METTL25B: variants seen among roughly 807,000 people sequenced by gnomAD.
The protein encoded by METTL25B is methyltransferase-like protein 25B.
In METTL25B, 38 loss-of-function variants were observed where a neutral mutation model predicts 48.4. That is an observed-to-expected ratio of 0.78 (90% confidence interval 0.61 to 1.03). METTL25B has a LOEUF of 1.03. METTL25B is among the 50% of genes least tolerant of loss of function. METTL25B has a pLI of 0.00. For missense variants in METTL25B, 537 were observed against 603.7 expected (o/e 0.89, Z 1.16); for synonymous variants, 230 against 254.5 (o/e 0.90, Z 0.92).
At position 156,732,433 on chromosome 1, in the gene METTL25B, T is replaced by C; in HGVS notation, c.389T>C (p.Val130Ala). 1.2e-6 allele frequency: 2 copies of C among 1,614,086 alleles called. No individual in the cohort carries two copies. Among genetic ancestry groups the C allele is most frequent in the African/African-American group, 1.3e-5 (1 of 75,014 alleles). The change falls in exon 3 of 8, where the codon GTC becomes GCC. Residue 130 changes from valine (V) to alanine (A), a missense_variant. Physicochemically the swap from Val to Ala is moderately conservative, Grantham distance 64. Transcript: ENST00000368216. ...CTAACAGCTCCATTCCGGAAACATGTCAGGCCCAAGAAGCAGCATGAGATC... is the reference window on the plus strand; with the variant it reads ...CTAACAGCTCCATTCCGGAAACATGCCAGGCCCAAGAAGCAGCATGAGATC... ...SRLTAPFRKH[V>A]RPKKQHEIRR...
At chr1:156,735,190 G>A (rs954502947) in intron 6 of METTL25B, among the ~76,000 whole-genome samples, 1 of 151,740 alleles carries the variant, frequency 6.6e-6, no homozygotes, top group African/African-American at 2.4e-5. Flanking sequence ...TCCGGAGGCT[G>A]AGGCAGGAAA....
In METTL25B at chr1:156,729,053, G is replaced by A; in HGVS notation, c.-52G>A. ...CCTGGACCCGCGTAGTACTGACCCT[G>A]GATCCCTGTTCACTGCGTTCTCGCT... is the stretch of plus-strand genomic sequence containing the variant. On this transcript the variant is annotated 5_prime_UTR_variant, in exon 1 of 8. Transcript: ENST00000368216. 9.2e-7 allele frequency: 1 copy of A among 1,082,672 alleles called. No individual in the cohort carries two copies. The highest frequency in any genetic ancestry group is 1.6e-5 in the African/African-American group (1 of 63,390). The allele number at this position is 1,082,672 out of a possible 1,614,324, so 67.1% of individuals were successfully genotyped here.
Position 156,733,522 on chromosome 1 carries a change from T to G in METTL25B, c.636+2T>G. The stretch of plus-strand genomic sequence containing the variant: ...AAAGAGGAGAAGAGGAACCCGCAGG[T>G]AGGCCAACCCTTCCTGCGACCTGGA... On this transcript the variant is annotated splice_donor_variant, in intron 5 of 7. Transcript: ENST00000368216. LOFTEE classifies it high-confidence loss of function. 1 of 1,613,490 alleles carries G rather than the reference T, an allele frequency of 6.2e-7. No individual in the cohort carries two copies. Among genetic ancestry groups the G allele is most frequent in the Non-Finnish European group, 8.5e-7 (1 of 1,179,916 alleles).
chr1:156,728,613 G>C lies in METTL25B; in HGVS notation c.-492G>C, dbSNP rs1189673996. The C allele has an allele frequency of 5.1e-6, 5 of 985,640 alleles. No individual in the cohort carries two copies. Among genetic ancestry groups the C allele is most frequent in the East Asian group, 1.1e-4 (1 of 8,826 alleles). The allele number at this position is 985,640 out of a possible 1,614,324, so 61.1% of individuals were successfully genotyped here. The stretch of plus-strand genomic sequence containing the variant: ...GAGGAGCGGCAGTGGCGGCGGAGGA[G>C]GGGGCGGCGTGGGTGGGGGCGGGGG... On this transcript the variant is annotated 5_prime_UTR_variant, in exon 1 of 8. Coordinates refer to ENST00000368216, the MANE Select transcript of METTL25B (RefSeq NM_015997.4).
At chr1:156,733,982 T>C (rs749340328) in intron 5 of METTL25B, 27 bp from the exon 6 acceptor site, 6 of 1,564,046 alleles carry the variant, frequency 3.8e-6, no homozygotes, top group Non-Finnish European at 5.2e-6. Flanking sequence ...ACTTCCCATC[T>C]GCCTTTGTCC....
chr1:156,736,737 A>C lies in METTL25B; in HGVS notation c.1412A>C (p.Glu471Ala). The C allele has an allele frequency of 6.2e-7, 1 of 1,612,586 alleles. No homozygotes were observed. The highest frequency in any genetic ancestry group is 8.5e-7 in the Non-Finnish European group (1 of 1,179,988). ...MPLGQALSVLETEDS is the reference protein window; with the variant it reads ...MPLGQALSVLATEDS ...CTGGGTCAGGCTCTTTCTGTTCTGG[A>C]GACTGAAGACAGCTGATGCAGCCTG... The change falls in exon 8 of 8, where the codon GAG becomes GCG. Residue 471 changes from glutamate (E) to alanine (A), a missense_variant. Transcript: ENST00000368216.
At chr1:156,734,573 C>T (rs1217508369) in intron 6 of METTL25B, 80 bp downstream of exon 6, 92 of 1,426,668 alleles carry the variant, frequency 6.4e-5, no homozygotes, top group Non-Finnish European at 8.4e-5. Context: ...GCTCTGTTGC[C>T]CAGGCTGGAG....
At chr1:156,732,197 G>A (rs1290891718) in intron 2 of METTL25B, 82 bp downstream of exon 2, 11 of 1,608,424 alleles carry the variant, frequency 6.8e-6, no homozygotes, top group African/African-American at 2.7e-5. Flanking sequence ...AGTCTCATAA[G>A]GTCTTCCTGG....
At chr1:156,736,447 A>G in intron 7 of METTL25B, 185 bp from the exon 8 acceptor site, 2 of 616,182 alleles carry the variant, frequency 3.2e-6, no homozygotes, top group Non-Finnish European at 5.7e-6. Context: ...GAGAACCTAC[A>G]ATGCAAGAGG....
intron 5 of METTL25B, 94 bp from the exon 6 acceptor site, chr1:156,733,915 T>C (rs1649499309): frequency 6.8e-7 from 1 of 1,477,160 alleles, no homozygotes; most frequent in South Asian, 1.3e-5. Flanking sequence ...CCTTGGGGAA[T>C]AACATGGAGG....
intron 1 of METTL25B, among the ~76,000 whole-genome samples, chr1:156,730,618 G>A (rs951565862): frequency 6.6e-6 from 1 of 152,064 alleles, no homozygotes; most frequent in African/African-American, 2.4e-5. Context: ...TGTAGTCCCA[G>A]CTACTAGGGA....
intron 1 of METTL25B, chr1:156,729,446 A>C: frequency 3.1e-6 from 1 of 319,094 alleles, no homozygotes; most frequent in Non-Finnish European, 5.2e-6. Context: ...TTTTTTTTTG[A>C]GACGGAGTCT....
Position 156,732,092 on chromosome 1 carries a change from G to T in METTL25B, c.213G>T (p.Met71Ile). The T allele has an allele frequency of 6.2e-7, 1 of 1,614,236 alleles. No individual in the cohort carries two copies. Among genetic ancestry groups the T allele is most frequent in the Non-Finnish European group, 8.5e-7 (1 of 1,180,038 alleles). Residue 71 changes from methionine to isoleucine, a missense_variant, in exon 2 of 8, where the codon ATG becomes ATT. Coordinates refer to ENST00000368216, the MANE Select transcript of METTL25B (RefSeq NM_015997.4). ...PPQLATMLLG[M>I]PGEGEVVRYR... ...AGCTGGCCACAATGCTGCTGGGGAT[G>T]CCTGGGGAAGGGGAGGTCGTCAGGT...
chr1:156,732,333 G>A lies in METTL25B; in HGVS notation c.289G>A (p.Ala97Thr). 1 of 1,614,248 alleles carries A rather than the reference G, an allele frequency of 6.2e-7. No homozygotes were observed. Among genetic ancestry groups the A allele is most frequent in the Non-Finnish European group, 8.5e-7 (1 of 1,180,042 alleles). Residue 97 changes from alanine to threonine, a missense_variant, in exon 3 of 8, where the codon GCC becomes ACC. Physicochemically the swap from Ala to Thr is moderately conservative, Grantham distance 58 (BLOSUM62 0). Coordinates refer to ENST00000368216, the MANE Select transcript of METTL25B (RefSeq NM_015997.4). ...TLLALKSTAC[A>T]LAFTRMPGFQ... ...GCTGGCCCTGAAGTCCACGGCGTGT[G>A]CCCTGGCCTTTACCCGGATGCCTGG...
chr1:156,734,886 G>C (rs1398335907), intron 6 of METTL25B, among the ~76,000 whole-genome samples: 5 of 150,948 alleles, frequency 3.3e-5, no homozygotes, highest in African/African-American at 1.2e-4. Context: ...ATAGCCTAAA[G>C]AAAATCTAAG....
chr1:156,732,739 G>T (rs1342783205), intron 3 of METTL25B, among the ~76,000 whole-genome samples: 3 of 152,108 alleles, frequency 2.0e-5, no homozygotes, highest in African/African-American at 7.2e-5. Context: ...CAGGGTTCTT[G>T]TTCTGTGGGG....
chr1:156,736,779 C>T lies in METTL25B; in HGVS notation c.*26C>T. The T allele has an allele frequency of 6.2e-7, 1 of 1,602,226 alleles. No individual in the cohort carries two copies. Among genetic ancestry groups the T allele is most frequent in the Non-Finnish European group, 8.5e-7 (1 of 1,177,648 alleles). On this transcript the variant is annotated 3_prime_UTR_variant, in exon 8 of 8. Coordinates refer to ENST00000368216, the MANE Select transcript of METTL25B (RefSeq NM_015997.4). ...TGCAGCCTGAGGAAACATCTCAGAC[C>T]CCATCATCTGAAAGTGCCCAGAGAG...
chr1:156,731,600 A>G (rs1187108605), intron 1 of METTL25B, among the ~76,000 whole-genome samples: 1 of 152,246 alleles, frequency 6.6e-6, no homozygotes, highest in Non-Finnish European at 1.5e-5. Context: ...AATGCAGGTT[A>G]CTAAGTGGTA....
chr1:156,733,342 G>A (rs1001387632), intron 4 of METTL25B, 35 bp from the exon 5 acceptor site: 2 of 1,613,058 alleles, frequency 1.2e-6, no homozygotes, highest in African/African-American at 2.7e-5. Context: ...ATAGGGCACT[G>A]AACAGGGCTG....
Sources: gnomAD v4.1 joint callset for allele counts (sites outside exome capture counted in the v4.1 genomes callset) on GRCh38, gnomAD v4.1.1 for gene constraint, MANE v1.5 for transcripts, NCBI Gene and HGNC (gene_info 2026-07-23, HGNC 2026-07-21) for gene names.